VPS8: variants seen among roughly 807,000 people sequenced by gnomAD.
VPS8 encodes vacuolar protein sorting-associated protein 8 homolog.
VPS8 carries 129 observed loss-of-function variants against 216.4 expected under a neutral mutation model. The observed-to-expected ratio is 0.60, with a 90% confidence interval of 0.52 to 0.69. VPS8 has a LOEUF of 0.69. VPS8 is among the 30% of genes least tolerant of loss of function. The probability of loss-of-function intolerance (pLI) is 0.00; values close to 1 mark genes in which losing one functional copy is unlikely to be tolerated. For synonymous variants in VPS8, 571 were observed against 565.4 expected (o/e 1.01, Z -0.14); for missense variants, 1,531 against 1,683.5 (o/e 0.91, Z 1.59).
chr3:184,846,040 G>T (rs980847677), intron 8 of VPS8, among the ~76,000 whole-genome samples: 5 of 152,116 alleles, frequency 3.3e-5, no homozygotes, highest in Admixed American at 2.6e-4. Flanking sequence ...ACATTTTACA[G>T]ATGAAGATAG....
intron 4 of VPS8, among the ~76,000 whole-genome samples, chr3:184,833,356 A>G (rs1003735705): frequency 2.0e-5 from 3 of 152,172 alleles, no homozygotes; most frequent in Admixed American, 2.0e-4. Context: ...CATACTATAA[A>G]TACATTATTG....
chr3:184,928,880 C>T (rs973355394), intron 32 of VPS8, among the ~76,000 whole-genome samples: 7 of 151,666 alleles, frequency 4.6e-5, no homozygotes, highest in Non-Finnish European at 8.8e-5. Context: ...CAGTATTTGA[C>T]GTAGTAAATA....
chr3:184,927,982 G>A (rs1266836751), intron 31 of VPS8, among the ~76,000 whole-genome samples: 2 of 152,274 alleles, frequency 1.3e-5, no homozygotes, highest in African/African-American at 4.8e-5. Context: ...GGGCCATTTG[G>A]ATTGTTTCCA....
intron 16 of VPS8, among the ~76,000 whole-genome samples, chr3:184,863,365 A>G (rs1726729109): frequency 6.6e-6 from 1 of 152,238 alleles, no homozygotes; most frequent in Admixed American, 6.5e-5. Context: ...TGTGAGAAAA[A>G]TTGTAAAAAT....
At chr3:184,984,183 C>CAAAAAAAAAAAAAAAA (rs1453935100) in intron 42 of VPS8, among the ~76,000 whole-genome samples, 41 of 2,878 alleles carry the variant, frequency 0.014, 20 homozygotes, top group East Asian at 0.043. Context: ...GACTCCGTCT[C>CAAAAAAAAAAAAAAAA]AAAAAAAAAA....
chr3:184,814,057 C>G (rs1715774231), intron 1 of VPS8, among the ~76,000 whole-genome samples: 1 of 152,180 alleles, frequency 6.6e-6, no homozygotes, highest in Non-Finnish European at 1.5e-5. Context: ...TGTGTTTTAG[C>G]AAGGAAATAT....
At chr3:184,873,396 C>T (rs560506550) in intron 21 of VPS8, among the ~76,000 whole-genome samples, 2 of 152,184 alleles carry the variant, frequency 1.3e-5, no homozygotes, top group South Asian at 4.1e-4. Flanking sequence ...CAGCAAGCAT[C>T]TAAACTGTTT....
chr3:184,864,520 A>G (rs1726974619), intron 16 of VPS8, among the ~76,000 whole-genome samples: 1 of 152,200 alleles, frequency 6.6e-6, no homozygotes, highest in African/African-American at 2.4e-5. Flanking sequence ...TGAAAGGTTT[A>G]GAGGGAACCG....
chr3:184,901,196 G>A (rs1001664182), intron 25 of VPS8: 6 of 479,650 alleles, frequency 1.3e-5, no homozygotes, highest in Admixed American at 4.1e-5. Flanking sequence ...CCTGCTCTGG[G>A]CAGTCACTGA....
intron 21 of VPS8, among the ~76,000 whole-genome samples, chr3:184,879,521 G>C (rs1280954105): frequency 6.6e-6 from 1 of 152,162 alleles, no homozygotes; most frequent in Admixed American, 6.5e-5. Context: ...GGCATATGTA[G>C]ACCAGGTCTG....
chr3:184,836,346 C>T (rs1560316089), intron 5 of VPS8: 2 of 455,972 alleles, frequency 4.4e-6, no homozygotes, highest in Non-Finnish European at 8.8e-6. Context: ...TGATGAAATT[C>T]ATTCCTTTCA....
chr3:184,949,592 T>G (rs748526491), intron 36 of VPS8, among the ~76,000 whole-genome samples: 9 of 152,152 alleles, frequency 5.9e-5, no homozygotes, highest in Non-Finnish European at 1.2e-4. Context: ...GATTCCTTCT[T>G]GCCAGAGGAA....
chr3:184,905,312 G>T (rs1279237085), intron 25 of VPS8, among the ~76,000 whole-genome samples: 1 of 152,126 alleles, frequency 6.6e-6, no homozygotes, highest in Non-Finnish European at 1.5e-5. Flanking sequence ...GTGTCTTTTT[G>T]AGTGTTTCAG....
rs201726179 is a variant in VPS8 at position 184,832,741 on chromosome 3, T to C, written c.275T>C (p.Ile92Thr). ...FILEDPTLLN[I>T]DTIDSHSYDT... is the part of the protein sequence containing the mutation. ...CTTGAGGATCCTACATTGTTAAACA[T>C]TGATACTATTGATTCTCACTCCTAT... Residue 92 changes from isoleucine to threonine, a missense_variant, in exon 4 of 48, where the codon ATT becomes ACT. Transcript: ENST00000625842. 9.6e-5 allele frequency: 155 copies of C among 1,608,232 alleles called. 1 individual carries two copies. The highest frequency in any genetic ancestry group is 1.6e-4 in the Middle Eastern group (1 of 6,070).
chr3:184,921,689 G>C (rs1738652701), intron 29 of VPS8, among the ~76,000 whole-genome samples: 1 of 151,994 alleles, frequency 6.6e-6, no homozygotes, highest in Non-Finnish European at 1.5e-5. Context: ...TCAGCCTCCA[G>C]AGTAGCTGCG....
At position 184,982,614 on chromosome 3, in the gene VPS8, T is replaced by G. The variant is rs749088948; in HGVS notation, c.3469T>G (p.Ser1157Ala). The part of the protein sequence containing the change: ...LEAMMAPQKL[S>A]SSAIPHLHSE... ...GGCAATGATGGCCCCTCAGAAGCTG[T>G]CCAGTTCAGCCATTCCTCATCTACA... Residue 1157 changes from serine (S) to alanine (A), a missense_variant, in exon 41 of 48, where the codon TCC (serine) becomes GCC (alanine). Ser to Ala is a moderately conservative substitution (Grantham distance 99). Around this residue, in one of 3 missense-constraint regions of VPS8, gnomAD observed 1,318 missense variants for 1,468.4 expected, o/e 0.90. Transcript: ENST00000625842. The G allele has an allele frequency of 5.0e-6, 8 of 1,613,486 alleles. No individual in the cohort carries two copies.
chr3:184,929,712 CTTA>C (rs1740354581), intron 33 of VPS8, 48 bp downstream of exon 33: 1 of 1,123,684 alleles, frequency 8.9e-7, no homozygotes, highest in Non-Finnish European at 1.2e-6. Flanking sequence ...AACTTTCCCT[CTTA>C]TTGAGTACAA....
At chr3:184,835,139 A>ATT (rs397826593) in intron 5 of VPS8, among the ~76,000 whole-genome samples, 1,462 of 145,356 alleles carry the variant, frequency 0.01, 18 homozygotes, top group East Asian at 0.057. Context: ...CAACTGAATG[A>ATT]TTTTTTTTTT....
At chr3:185,048,326 A>C (rs1353186747) in intron 46 of VPS8, among the ~76,000 whole-genome samples, 153 bp from the exon 47 acceptor site, 1 of 152,210 alleles carries the variant, frequency 6.6e-6, no homozygotes, top group Non-Finnish European at 1.5e-5. Context: ...TTTCTAACTC[A>C]TGTTCAGTAT....
Sources: allele counts gnomAD v4.1 joint callset (sites outside exome capture counted in the v4.1 genomes callset), GRCh38; gene constraint gnomAD v4.1.1; regional missense constraint gnomAD v4.1.1; transcripts MANE v1.5; gene names NCBI Gene and HGNC (gene_info 2026-07-23, HGNC 2026-07-21).